The following DOCK9 variants were observed in gnomAD, a reference collection of about 807,000 sequenced individuals.
DOCK9 encodes the protein dedicator of cytokinesis protein 9.
DOCK9 carries 89 observed loss-of-function variants against 263.3 expected under a neutral mutation model. The observed-to-expected ratio is 0.34, with a 90% CI of 0.28 to 0.40. The LOEUF (loss-of-function observed/expected upper bound fraction) is 0.40. Ranked by LOEUF, DOCK9 falls within the 10% of genes least tolerant of loss-of-function variation. The pLI is 1.00. For synonymous variants in DOCK9, 976 were observed against 973.1 expected, an observed-to-expected ratio of 1.00 and a Z score of -0.06; for missense variants, 2,140 against 2,603.4, an observed-to-expected ratio of 0.82 and a Z score of 3.87.
At position 98,962,535 on chromosome 13, in the gene DOCK9, G is replaced by C. The variant is rs527859369; in HGVS notation, c.127-6984C>G. On this transcript the variant is annotated intron_variant, in intron 1 of 52. Transcript: ENST00000682017. ...TGTGAGGCTGCTGCTGGACTCAACT[G>C]AGTCAATGCATGGAAAAGGCAAAGC... Among the ~76,000 whole-genome samples, 56 of 152,004 alleles carry C rather than the reference G, an allele frequency of 3.7e-4. 1 individual carries two copies. Among genetic ancestry groups the C allele is most frequent in the Admixed American group, 2.0e-3 (30 of 15,274 alleles).
At chr13:98,945,681 C>A (rs571324571) in intron 2 of DOCK9, among the ~76,000 whole-genome samples, 50 of 152,294 alleles carry the variant, frequency 3.3e-4, no homozygotes, top group African/African-American at 1.2e-3. Flanking sequence ...TAATTGTTTT[C>A]ACTGAAATCT....
At chr13:98,968,322 T>C (rs1319533034) in intron 1 of DOCK9, among the ~76,000 whole-genome samples, 4 of 152,174 alleles carry the variant, frequency 2.6e-5, no homozygotes, top group Admixed American at 2.6e-4. Flanking sequence ...ACTTGGCTAC[T>C]AGAAAATTTT....
intron 45 of DOCK9, among the ~76,000 whole-genome samples, chr13:98,812,591 T>C (rs2091421152): frequency 6.6e-6 from 1 of 152,306 alleles, no homozygotes; most frequent in Non-Finnish European, 1.5e-5. Flanking sequence ...TTAATTGTGG[T>C]TACTTATTTT....
chr13:98,846,116 G>T, intron 37 of DOCK9, 56 bp from the exon 38 acceptor site: 1 of 1,536,002 alleles, frequency 6.5e-7, no homozygotes, highest in South Asian at 1.2e-5. Context: ...ACACTGCAGC[G>T]AGACGGGGAG....
chr13:98,898,230 T>A lies in DOCK9; in HGVS notation c.1535A>T (p.Gln512Leu), dbSNP rs1431590004. The change falls in exon 14 of 53, where the codon CAG (glutamine) becomes CTG (leucine). Residue 512 changes from glutamine (Q) to leucine (L), a missense_variant. By Grantham distance (113) the Gln-to-Leu change is moderately radical. Around this residue, in one of 2 missense-constraint regions of DOCK9, gnomAD observed 1,521 missense variants for 1,741.7 expected, o/e 0.87. Transcript: ENST00000682017. ...ATACTGTCCTAGTCTTTGGCATGCC[T>A]GCTTGGCATTCTTCAGCACCTTCTG... is the stretch of plus-strand genomic sequence containing the variant. Reference protein sequence around the residue: ...VAQKVLKNAKQACQRLGQYRM... With the variant: ...VAQKVLKNAKLACQRLGQYRM... 6.2e-7 allele frequency: 1 copy of A among 1,612,102 alleles called. No homozygotes were observed. The highest frequency in any genetic ancestry group is 8.5e-7 in the Non-Finnish European group (1 of 1,179,092).
At chr13:98,958,478 A>G (rs1268107173) in intron 1 of DOCK9, among the ~76,000 whole-genome samples, 1 of 152,264 alleles carries the variant, frequency 6.6e-6, no homozygotes, top group African/African-American at 2.4e-5. Flanking sequence ...TTCTTAGAGC[A>G]GGAGTCGACA....
intron 1 of DOCK9, among the ~76,000 whole-genome samples, chr13:98,965,384 T>C (rs1209156688): frequency 6.6e-6 from 1 of 152,242 alleles, no homozygotes; most frequent in East Asian, 1.9e-4. Flanking sequence ...GACAATGATC[T>C]AGAAGCTGTT....
At chr13:98,813,087 T>C (rs1566568871) in intron 45 of DOCK9, among the ~76,000 whole-genome samples, 1 of 152,264 alleles carries the variant, frequency 6.6e-6, no homozygotes, top group African/African-American at 2.4e-5. Context: ...TTAATTTTTG[T>C]ATACTAATCT....
chr13:98,996,357 T>A (rs934259661), intron 1 of DOCK9, among the ~76,000 whole-genome samples: 3 of 152,086 alleles, frequency 2.0e-5, no homozygotes, highest in African/African-American at 7.2e-5. Flanking sequence ...AGATCCCGAG[T>A]AGTACTAACA....
At chr13:98,831,934 A>G (rs2092779384) in intron 39 of DOCK9, 148 bp from the exon 40 acceptor site, 3 of 965,160 alleles carry the variant, frequency 3.1e-6, no homozygotes, top group Non-Finnish European at 4.5e-6. Context: ...AGGAAAGTAC[A>G]GAATTCTTTT....
At chr13:99,048,941 GAATAT>G (rs1410731562) in intron 1 of DOCK9, among the ~76,000 whole-genome samples, 1 of 152,176 alleles carries the variant, frequency 6.6e-6, no homozygotes, top group Non-Finnish European at 1.5e-5. Flanking sequence ...TACAAATAAT[GAATAT>G]AATAATAATA....
intron 4 of DOCK9, among the ~76,000 whole-genome samples, chr13:98,924,418 G>A (rs958264395): frequency 1.3e-5 from 2 of 152,188 alleles, no homozygotes; most frequent in Non-Finnish European, 2.9e-5. Context: ...ATTTTCATTG[G>A]TGATGGTTAG....
At chr13:99,064,368 G>C (rs1169800037) in intron 1 of DOCK9, among the ~76,000 whole-genome samples, 1 of 152,222 alleles carries the variant, frequency 6.6e-6, no homozygotes, top group Non-Finnish European at 1.5e-5. Flanking sequence ...GGAAGGTGGA[G>C]TTTCAAAGAG....
intron 34 of DOCK9, chr13:98,854,702 T>G (rs1305453114): frequency 6.6e-6 from 1 of 152,124 alleles, no homozygotes; most frequent in Non-Finnish European, 1.5e-5. Context: ...CAGCACTGCG[T>G]ATGACACAAG....
chr13:98,958,395 G>A (rs1371625647), intron 1 of DOCK9, among the ~76,000 whole-genome samples: 1 of 152,232 alleles, frequency 6.6e-6, no homozygotes, highest in Non-Finnish European at 1.5e-5. Context: ...CTCTGCCTTG[G>A]GTGGGGGTGA....
chr13:99,030,553 C>A (rs1410596257), intron 1 of DOCK9, among the ~76,000 whole-genome samples: 1 of 152,228 alleles, frequency 6.6e-6, no homozygotes, highest in Non-Finnish European at 1.5e-5. Context: ...GCATTCAAAT[C>A]TAGCTAACAT....
At chr13:98,966,901 G>T (rs1429646147) in intron 1 of DOCK9, among the ~76,000 whole-genome samples, 3 of 152,132 alleles carry the variant, frequency 2.0e-5, no homozygotes, top group Non-Finnish European at 2.9e-5. Flanking sequence ...TTGGTCCTGG[G>T]CTAGCATCAG....
intron 27 of DOCK9, among the ~76,000 whole-genome samples, chr13:98,868,857 T>C (rs1023853930): frequency 6.6e-6 from 1 of 152,226 alleles, no homozygotes; most frequent in African/African-American, 2.4e-5. Context: ...GTTCAAATAC[T>C]TCAAATAAGT....
intron 1 of DOCK9, among the ~76,000 whole-genome samples, chr13:98,999,598 T>C (rs1881876346): frequency 6.7e-6 from 1 of 148,872 alleles, no homozygotes. Flanking sequence ...TTTCTTTTCA[T>C]GTTTCTTTTT....
Sources: gnomAD v4.1 joint callset for allele counts (sites outside exome capture counted in the v4.1 genomes callset) on GRCh38, gnomAD v4.1.1 for gene constraint, gnomAD v4.1.1 regional missense constraint, MANE v1.5 for transcripts, NCBI Gene and HGNC (gene_info 2026-07-23, HGNC 2026-07-21) for gene names.